Variants in ZFPM1 observed in about 807,000 individuals in gnomAD.
ZFPM1 encodes zinc finger protein, FOG family member 1, also known as zinc finger protein ZFPM1.
Under a neutral mutation model 46.3 loss-of-function variants are expected in ZFPM1, and 28 were observed. That is an observed-to-expected ratio of 0.60 (90% CI 0.45 to 0.83). ZFPM1 has a LOEUF of 0.83. Among genes scored for constraint, ZFPM1 ranks in the 40% least tolerant of loss-of-function variants. The pLI is 0.00. For missense variants in ZFPM1, 1,878 were observed against 1,432.4 expected (o/e 1.31, Z -5.02); for synonymous variants, 957 against 675.9 (o/e 1.42, Z -6.45).
Position 88,533,440 on chromosome 16 carries a change from C to G in ZFPM1, c.1482C>G (p.Ser494Arg). 4 of 1,450,310 alleles carry G rather than the reference C, an allele frequency of 2.8e-6. No individual in the cohort carries two copies. Among genetic ancestry groups the G allele is most frequent in the Non-Finnish European group, 3.6e-6 (4 of 1,111,028 alleles). The allele number at this position is 1,450,310 out of a possible 1,614,324, so 89.8% of individuals were successfully genotyped here. The change falls in exon 10 of 10, where the codon AGC (serine) becomes AGG (arginine). Residue 494 changes from serine (S) to arginine (R), a missense_variant. Coordinates refer to ENST00000319555, the MANE Select transcript of ZFPM1 (RefSeq NM_153813.3). ...QAPSRTPSPRSPAPARVKAEL... is the reference protein window; with the variant it reads ...QAPSRTPSPRRPAPARVKAEL... ...CGTCGCGGACGCCGTCGCCGCGCAGCCCCGCCCCGGCCAGGGTCAAGGCCG... is the reference window on the plus strand; with the variant it reads ...CGTCGCGGACGCCGTCGCCGCGCAGGCCCGCCCCGGCCAGGGTCAAGGCCG...
At chr16:88,489,658 G>A (rs537841720) in intron 3 of ZFPM1, among the ~76,000 whole-genome samples, 8 of 152,230 alleles carry the variant, frequency 5.3e-5, no homozygotes, top group Non-Finnish European at 8.8e-5. Context: ...CATACCCCGC[G>A]GGGCCTGGGC....
At chr16:88,526,162 G>A (rs1567552941) in intron 4 of ZFPM1, among the ~76,000 whole-genome samples, 2 of 152,352 alleles carry the variant, frequency 1.3e-5, no homozygotes, top group East Asian at 3.9e-4. Context: ...TCCACCAGGT[G>A]CTCCCCAGCG....
rs1490185889 is a variant in ZFPM1 at position 88,461,181 on chromosome 16, G to C, written c.40+7503G>C. 4.7e-4 allele frequency among the ~76,000 whole-genome samples: 35 copies of C among 74,258 alleles called. 1 individual carries two copies. The highest frequency in any genetic ancestry group is 6.9e-3 in the Middle Eastern group (1 of 144). 48.7% of individuals were successfully genotyped at this position (74,258 alleles called of 152,430 possible). ...GCGGGAGACCTGGTGAGGACCGAGG[G>C]GCGGGGCGGGAGGCCTGGTGAGGAC... On this transcript the variant is annotated intron_variant, in intron 1 of 9. Transcript: ENST00000319555.
At chr16:88,503,264 G>T (rs1423910063) in intron 3 of ZFPM1, among the ~76,000 whole-genome samples, 1 of 148,130 alleles carries the variant, frequency 6.8e-6, no homozygotes. Context: ...ATCTGTGTCT[G>T]GGGGGCCCAC....
chr16:88,509,529 G>C (rs939283519), intron 3 of ZFPM1, among the ~76,000 whole-genome samples: 4 of 152,252 alleles, frequency 2.6e-5, no homozygotes, highest in African/African-American at 9.6e-5. Flanking sequence ...GACGTCCGCA[G>C]ACTCACAGGG....
In ZFPM1 at chr16:88,453,535, G is replaced by A. The variant is rs919848808; in HGVS notation, c.-104G>A. ...GCCGGGGCGGCCGCGGAGACCGGGG[G>A]CCGGGGGCATGAGCGGCCCCGCGGC... On this transcript the variant is annotated 5_prime_UTR_variant, in exon 1 of 10. Transcript: ENST00000319555. 5 of 506,522 alleles carry A rather than the reference G, an allele frequency of 9.9e-6. No individual in the cohort carries two copies. Among genetic ancestry groups the A allele is most frequent in the Non-Finnish European group, 1.3e-5 (5 of 395,964 alleles). 31.4% of individuals were successfully genotyped at this position (506,522 alleles called of 1,614,324 possible).
intron 3 of ZFPM1, among the ~76,000 whole-genome samples, chr16:88,511,978 GC>G (rs1567545708): frequency 6.6e-6 from 1 of 152,086 alleles, no homozygotes; most frequent in Non-Finnish European, 1.5e-5. Flanking sequence ...GAGGCCCCTC[GC>G]CCAGCCCCCG....
upstream of ZFPM1, among the ~76,000 whole-genome samples, chr16:88,453,166 A>C (rs1597221270): frequency 8.2e-6 from 1 of 121,426 alleles, no homozygotes; most frequent in Non-Finnish European, 1.7e-5. Context: ...CTGGGGGCGG[A>C]GCCGGAGAGG....
Position 88,533,833 on chromosome 16 carries a change from C to T in ZFPM1, c.1875C>T (p.Pro625=), listed in dbSNP as rs780485801. ...PKAPPGPARA[P]PGQPAEPDAP... Reference sequence around the variant, plus strand: ...CGCCCCCCGGCCCGGCCCGCGCGCCCCCCGGCCAGCCCGCCGAACCCGACG... The same window carrying T: ...CGCCCCCCGGCCCGGCCCGCGCGCCTCCCGGCCAGCCCGCCGAACCCGACG... Residue 625 remains proline (P), a synonymous_variant, in exon 10 of 10, where the codon CCC becomes CCT. Transcript: ENST00000319555. 3 of 991,372 alleles carry T rather than the reference C, an allele frequency of 3.0e-6. No individual in the cohort carries two copies. The highest frequency in any genetic ancestry group is 3.6e-6 in the Non-Finnish European group (3 of 832,898). 61.4% of individuals were successfully genotyped at this position (991,372 alleles called of 1,614,324 possible).
In ZFPM1 at chr16:88,495,973, C is replaced by T. The variant is rs1291437709; in HGVS notation, c.268+6820C>T. On this transcript the variant is annotated intron_variant, in intron 3 of 9. Coordinates refer to ENST00000319555, the MANE Select transcript of ZFPM1 (RefSeq NM_153813.3). ...GGGCAAAGCGTGGCCGCATTGCCCA[C>T]AGGCTCCGGGGCAGGCTCCCAGCAG... 2.6e-5 allele frequency among the ~76,000 whole-genome samples: 4 copies of T among 152,148 alleles called. No individual in the cohort carries two copies. The East Asian group carries it at 5.8e-4, about 22-fold the overall frequency.
intron 4 of ZFPM1, 26 bp downstream of exon 4, chr16:88,514,546 G>A (rs1312980890): frequency 7.4e-7 from 1 of 1,343,826 alleles, no homozygotes; most frequent in Non-Finnish European, 9.8e-7. Context: ...CCCCGCCCCT[G>A]CCCGCCCACC....
At position 88,497,433 on chromosome 16, in the gene ZFPM1, G is replaced by T. The variant is rs1266525171; in HGVS notation, c.268+8280G>T. ...CAGAGGGGTCAGGGTGGGGCTCAGG[G>T]CCTGGGCGGGGATGGGGTTCAGAGG... On this transcript the variant is annotated intron_variant, in intron 3 of 9. Transcript: ENST00000319555. This position sits in a 1 kb window ranked among gnomAD's most constrained non-coding sequence, Gnocchi z 5.4. 5.7e-5 allele frequency among the ~76,000 whole-genome samples: 8 copies of T among 139,978 alleles called. No homozygotes were observed. In the East Asian group the frequency reaches 1.5e-3, roughly 27 times the overall value. 91.8% of individuals were successfully genotyped at this position (139,978 alleles called of 152,430 possible).
rs1442168634 is a variant in ZFPM1 at position 88,469,877 on chromosome 16, A to C, written c.41-16062A>C. Among the ~76,000 whole-genome samples the C allele has an allele frequency of 6.6e-6, 1 of 151,958 alleles. No individual in the cohort carries two copies. The highest frequency in any genetic ancestry group is 1.5e-5 in the Non-Finnish European group (1 of 67,976). On this transcript the variant is annotated intron_variant, in intron 1 of 9. Coordinates refer to ENST00000319555, the MANE Select transcript of ZFPM1 (RefSeq NM_153813.3). The surrounding 1 kb of genome is among the most constrained non-coding windows in gnomAD (Gnocchi z 4.3). ...CCTAACGTGGGGTGCAGTGCCTCTC[A>C]CGTGGTGAGGGTCAGAGGTGCGTGC...
At chr16:88,465,886 G>A (rs542525501) in intron 1 of ZFPM1, among the ~76,000 whole-genome samples, 2 of 152,340 alleles carry the variant, frequency 1.3e-5, no homozygotes, top group South Asian at 2.1e-4. Context: ...CCTGCTGAGG[G>A]ACAGGTGAAG....
intron 3 of ZFPM1, among the ~76,000 whole-genome samples, chr16:88,514,150 C>T (rs1466783480): frequency 1.3e-5 from 2 of 152,176 alleles, no homozygotes; most frequent in African/African-American, 2.4e-5. Context: ...GCTCACAGCT[C>T]GCTCAAACCC....
intron 7 of ZFPM1, 116 bp from the exon 8 acceptor site, chr16:88,532,497 CT>C (rs1912869351): frequency 8.8e-7 from 1 of 1,133,026 alleles, no homozygotes; most frequent in Non-Finnish European, 1.2e-6. Flanking sequence ...TTTAAAGACC[CT>C]TCAGCACAGG....
At chr16:88,507,745 C>T (rs1249212291) in intron 3 of ZFPM1, among the ~76,000 whole-genome samples, 1 of 152,176 alleles carries the variant, frequency 6.6e-6, no homozygotes, top group African/African-American at 2.4e-5. Flanking sequence ...TGCAGAGAGC[C>T]AGCTGCCCAG....
intron 6 of ZFPM1, 47 bp downstream of exon 6, chr16:88,528,285 G>A: frequency 6.5e-7 from 1 of 1,533,598 alleles, no homozygotes; most frequent in South Asian, 1.2e-5. Flanking sequence ...CCACCAAGGA[G>A]GAGCAGGCAG....
At chr16:88,489,290 C>G in intron 3 of ZFPM1, 137 bp downstream of exon 3, 1 of 1,349,548 alleles carries the variant, frequency 7.4e-7, no homozygotes, top group South Asian at 1.5e-5. Flanking sequence ...TGTGCCTAGT[C>G]CAAAGCTCAG....
Sources: gnomAD v4.1 joint callset for allele counts (sites outside exome capture counted in the v4.1 genomes callset) on GRCh38, gnomAD v4.1.1 for gene constraint, Gnocchi (gnomAD v3.1) non-coding constraint, MANE v1.5 for transcripts, NCBI Gene and HGNC (gene_info 2026-07-23, HGNC 2026-07-21) for gene names.